ALDH1A1: variants seen among roughly 807,000 people sequenced by gnomAD.
The protein encoded by ALDH1A1 is aldehyde dehydrogenase 1 family member A1, also known as aldehyde dehydrogenase 1A1.
Under a neutral mutation model 62.1 loss-of-function variants are expected in ALDH1A1, and 19 were observed. That is an observed-to-expected ratio of 0.31 (90% CI 0.21 to 0.45). The LOEUF (loss-of-function observed/expected upper bound fraction) is 0.45. Among genes scored for constraint, ALDH1A1 ranks in the 20% least tolerant of loss-of-function variants. The pLI, the probability that ALDH1A1 is intolerant of heterozygous loss-of-function variation, is 1.00. For synonymous variants in ALDH1A1, 231 were observed against 215.9 expected (o/e 1.07, Z -0.61); for missense variants, 521 against 607.1 (o/e 0.86, Z 1.49).
intron 2 of ALDH1A1, among the ~76,000 whole-genome samples, chr9:72,938,713 G>C (rs2118563623): frequency 6.6e-6 from 1 of 151,832 alleles, no homozygotes; most frequent in Non-Finnish European, 1.5e-5. Context: ...CCAAAGTGCT[G>C]GGATATCTTA....
chr9:72,940,297 A>T (rs373226275), intron 1 of ALDH1A1, 45 bp from the exon 2 acceptor site: 179 of 1,474,448 alleles, frequency 1.2e-4, no homozygotes, highest in Non-Finnish European at 1.6e-4. Flanking sequence ...TTAAATATGC[A>T]GAAAATTTTG....
intron 3 of ALDH1A1, among the ~76,000 whole-genome samples, 156 bp from the exon 4 acceptor site, chr9:72,929,177 T>A (rs1247628548): frequency 2.0e-5 from 3 of 152,212 alleles, no homozygotes; most frequent in Non-Finnish European, 4.4e-5. Flanking sequence ...TTAAAATGAC[T>A]TCCTTTAGGT....
chr9:72,925,819 A>G (rs1429242436), intron 5 of ALDH1A1, among the ~76,000 whole-genome samples: 1 of 152,204 alleles, frequency 6.6e-6, no homozygotes, highest in African/African-American at 2.4e-5. Flanking sequence ...TGAGAAGGAA[A>G]TAGGAGAGAA....
chr9:72,901,344 TC>T (rs1391979291), intron 12 of ALDH1A1, 64 bp from the exon 13 acceptor site: 7 of 1,137,506 alleles, frequency 6.2e-6, no homozygotes, highest in African/African-American at 1.5e-5. Flanking sequence ...ATACTGTAGT[TC>T]ATGTTTGGTA....
intron 9 of ALDH1A1, 54 bp from the exon 10 acceptor site, chr9:72,912,176 C>T: frequency 2.7e-6 from 4 of 1,504,698 alleles, no homozygotes; most frequent in Non-Finnish European, 3.6e-6. Context: ...GTAAAGATAA[C>T]ACATTGCTGG....
At chr9:72,911,306 G>T (rs1274466362) in intron 10 of ALDH1A1, among the ~76,000 whole-genome samples, 1 of 152,060 alleles carries the variant, frequency 6.6e-6, no homozygotes, top group Non-Finnish European at 1.5e-5. Context: ...TATAGAAAGA[G>T]TCTATAGGGC....
intron 11 of ALDH1A1, among the ~76,000 whole-genome samples, chr9:72,908,033 ACCCTCCCCTGC>A (rs1476815303): frequency 1.3e-5 from 2 of 151,898 alleles, no homozygotes; most frequent in Non-Finnish European, 2.9e-5. Context: ...GTTAATGTAT[ACCCTCCCCTGC>A]CCCAAATCAG....
chr9:72,930,795 C>A, intron 3 of ALDH1A1, 84 bp downstream of exon 3: 1 of 1,538,202 alleles, frequency 6.5e-7, no homozygotes, highest in South Asian at 1.2e-5. Context: ...ATATAGTGAT[C>A]CCTAAAATCA....
intron 2 of ALDH1A1, among the ~76,000 whole-genome samples, chr9:72,933,037 CTT>C (rs1830303604): frequency 6.6e-6 from 1 of 152,202 alleles, no homozygotes; most frequent in Admixed American, 6.5e-5. Context: ...TAAAGATGTT[CTT>C]ATGATTATGT....
At chr9:72,906,068 T>A in intron 11 of ALDH1A1, 36 bp from the exon 12 acceptor site, 1 of 1,519,284 alleles carries the variant, frequency 6.6e-7, no homozygotes, top group Middle Eastern at 1.7e-4. Flanking sequence ...AGACAATACT[T>A]AAGGTGTGAA....
At chr9:72,907,680 G>T (rs1014600299) in intron 11 of ALDH1A1, among the ~76,000 whole-genome samples, 1 of 152,198 alleles carries the variant, frequency 6.6e-6, no homozygotes, top group Non-Finnish European at 1.5e-5. Context: ...TTCTGCAAGC[G>T]TTTCCTCATG....
intron 2 of ALDH1A1, among the ~76,000 whole-genome samples, chr9:72,935,128 AGATT>A (rs1830332657): frequency 6.6e-6 from 1 of 152,202 alleles, no homozygotes; most frequent in African/African-American, 2.4e-5. Flanking sequence ...ATATTTTAAT[AGATT>A]CCATGATACA....
chr9:72,933,607 A>G (rs1302715827), intron 2 of ALDH1A1, among the ~76,000 whole-genome samples: 3 of 96,920 alleles, frequency 3.1e-5, no homozygotes, highest in African/African-American at 7.4e-5. Flanking sequence ...AAAAAAAAAA[A>G]AAAAAAGAAA....
chr9:72,926,909 G>A, intron 5 of ALDH1A1: 1 of 467,552 alleles, frequency 2.1e-6, no homozygotes, highest in South Asian at 4.4e-5. Context: ...ATTCTCAAGA[G>A]ATATGCCAGA....
At chr9:72,905,847 G>T (rs1302169730) in intron 12 of ALDH1A1, 111 bp downstream of exon 12, 3 of 837,598 alleles carry the variant, frequency 3.6e-6, no homozygotes, top group Non-Finnish European at 5.5e-6. Context: ...GAATCTCCAG[G>T]AAAGAACAGA....
intron 11 of ALDH1A1, among the ~76,000 whole-genome samples, chr9:72,908,543 G>T (rs201066515): frequency 3.0e-5 from 1 of 33,544 alleles, no homozygotes; most frequent in Non-Finnish European, 6.7e-5. Context: ...AAGAAAGAAA[G>T]AAAAGAAAGA....
intron 9 of ALDH1A1, 29 bp from the exon 10 acceptor site, chr9:72,912,151 A>G (rs757007606): frequency 1.9e-6 from 3 of 1,591,904 alleles, no homozygotes; most frequent in East Asian, 2.2e-5. Flanking sequence ...ATGAAAAGAA[A>G]AAAAGTAGTC....
intron 1 of ALDH1A1, among the ~76,000 whole-genome samples, chr9:72,943,525 G>C (rs1588145061): frequency 6.6e-6 from 1 of 152,072 alleles, no homozygotes; most frequent in Admixed American, 6.6e-5. Flanking sequence ...CAGCCTGCAG[G>C]CAACTGAAGA....
At chr9:72,916,789 C>T in intron 9 of ALDH1A1, 131 bp downstream of exon 9, 4 of 679,346 alleles carry the variant, frequency 5.9e-6, no homozygotes, top group Non-Finnish European at 8.6e-6. Context: ...TTTTAAACAC[C>T]AAACTGGCAC....
Sources: allele counts gnomAD v4.1 joint callset (sites outside exome capture counted in the v4.1 genomes callset), GRCh38; gene constraint gnomAD v4.1.1; transcripts MANE v1.5; gene names NCBI Gene and HGNC (gene_info 2026-07-23, HGNC 2026-07-21).